Variants in NRG1 observed in about 807,000 individuals in gnomAD.
The protein encoded by NRG1 is neuregulin 1, also known as pro-neuregulin-1, membrane-bound isoform.
Under a neutral mutation model 63.8 loss-of-function variants are expected in NRG1, and 18 were observed. The ratio of observed to expected loss-of-function variants is 0.28; its 90% CI spans 0.19 to 0.42. The LOEUF is 0.42. Ranked by LOEUF, NRG1 falls within the 10% of genes least tolerant of loss-of-function variation. NRG1 has a pLI of 1.00. For missense variants in NRG1, 762 were observed against 814.7 expected (o/e 0.94, Z 0.79); for synonymous variants, 302 against 301.3 (o/e 1.00, Z -0.02).
At chr8:31,691,327 G>A (rs1035796352) in intron 1 of NRG1, among the ~76,000 whole-genome samples, 2 of 152,114 alleles carry the variant, frequency 1.3e-5, no homozygotes, top group Non-Finnish European at 2.9e-5. Flanking sequence ...TAGATCTGAG[G>A]CCGGGCGCGG....
intron 1 of NRG1, among the ~76,000 whole-genome samples, chr8:31,766,849 G>T (rs920042634): frequency 9.2e-5 from 14 of 152,058 alleles, no homozygotes; most frequent in African/African-American, 3.1e-4. Context: ...TTACGATCTT[G>T]CTCCTTGGAG....
At chr8:32,011,351 G>C (rs1814728022) in intron 1 of NRG1, among the ~76,000 whole-genome samples, 1 of 152,024 alleles carries the variant, frequency 6.6e-6, no homozygotes, top group Non-Finnish European at 1.5e-5. Context: ...GGTTCCATTT[G>C]CACGTTCATG....
chr8:31,772,738 G>T (rs1214113468), intron 1 of NRG1, among the ~76,000 whole-genome samples: 1 of 152,036 alleles, frequency 6.6e-6, no homozygotes, highest in Admixed American at 6.6e-5. Context: ...GATATAAAAG[G>T]CTCTGAAGCA....
chr8:32,710,498 C>G lies in NRG1; in HGVS notation c.503-17451C>G, dbSNP rs190966774. Among the ~76,000 whole-genome samples the G allele has an allele frequency of 1.1e-4, 16 of 152,202 alleles. No individual in the cohort carries two copies. The East Asian group carries it at 3.1e-3, about 29-fold the overall frequency. ...CATAACTCCCTGATGGTGTTTATAA[C>G]TCAGCATATTTATATTTGTATGTGC... On this transcript the variant is annotated intron_variant, in intron 5 of 11. Coordinates refer to ENST00000356819, the Ensembl canonical transcript of NRG1.
At chr8:32,411,659 A>C (rs1443196007) in intron 1 of NRG1, among the ~76,000 whole-genome samples, 2 of 152,158 alleles carry the variant, frequency 1.3e-5, no homozygotes, top group Non-Finnish European at 2.9e-5. Flanking sequence ...TCCTCAGCTT[A>C]TAATGGGGTT....
At chr8:31,928,426 G>A (rs1011086144) in intron 1 of NRG1, among the ~76,000 whole-genome samples, 1 of 147,502 alleles carries the variant, frequency 6.8e-6, no homozygotes, top group African/African-American at 2.5e-5. Flanking sequence ...AATCTCTATG[G>A]AAAACAATAT....
chr8:32,573,154 A>C (rs766467468), intron 1 of NRG1, among the ~76,000 whole-genome samples: 3 of 152,174 alleles, frequency 2.0e-5, no homozygotes, highest in Admixed American at 6.6e-5. Context: ...TAGACCTCAA[A>C]ATGCAGACCC....
At chr8:31,740,377 A>T (rs986189429) in intron 1 of NRG1, among the ~76,000 whole-genome samples, 1 of 151,972 alleles carries the variant, frequency 6.6e-6, no homozygotes, top group African/African-American at 2.4e-5. Context: ...TTCTAAAGGG[A>T]TTCTTCAAGT....
At chr8:31,723,576 C>T (rs1231052282) in intron 1 of NRG1, among the ~76,000 whole-genome samples, 1 of 152,100 alleles carries the variant, frequency 6.6e-6, no homozygotes, top group Non-Finnish European at 1.5e-5. Context: ...CTTCCCATCT[C>T]AGTCTTGAGT....
intron 1 of NRG1, among the ~76,000 whole-genome samples, chr8:32,321,356 T>A (rs1801358555): frequency 6.6e-6 from 1 of 152,136 alleles, no homozygotes; most frequent in Non-Finnish European, 1.5e-5. Flanking sequence ...TTCCACATTA[T>A]AAGGATGGAG....
chr8:31,941,481 C>T (rs1472434810), intron 1 of NRG1, among the ~76,000 whole-genome samples: 3 of 151,870 alleles, frequency 2.0e-5, no homozygotes, highest in African/African-American at 7.2e-5. Flanking sequence ...CCACTAAGAA[C>T]TGGAACAAGG....
At chr8:31,973,206 C>T (rs1346419954) in intron 1 of NRG1, among the ~76,000 whole-genome samples, 1 of 152,116 alleles carries the variant, frequency 6.6e-6, no homozygotes, top group Non-Finnish European at 1.5e-5. Context: ...CCATCATATA[C>T]TTATAAACAC....
intron 1 of NRG1, among the ~76,000 whole-genome samples, chr8:31,851,477 G>A (rs373577215): frequency 9.2e-5 from 14 of 152,010 alleles, no homozygotes; most frequent in Non-Finnish European, 8.8e-5. Context: ...TAGAAGTGTC[G>A]ATTTTAAAAT....
chr8:32,648,422 A>G (rs1437027314), intron 5 of NRG1: 18 of 1,597,892 alleles, frequency 1.1e-5, no homozygotes, highest in Non-Finnish European at 1.5e-5. Context: ...GATGATGATG[A>G]ATAAAAGGGG....
intron 5 of NRG1, among the ~76,000 whole-genome samples, chr8:32,698,303 G>A (rs768910660): frequency 1.3e-5 from 2 of 152,040 alleles, no homozygotes; most frequent in Non-Finnish European, 2.9e-5. Context: ...TCGCATTCAA[G>A]GAACAGCTGG....
intron 1 of NRG1, among the ~76,000 whole-genome samples, chr8:32,204,325 C>G (rs1255883391): frequency 6.6e-6 from 1 of 152,250 alleles, no homozygotes; most frequent in East Asian, 1.9e-4. Context: ...AACAAGATGG[C>G]TCTTATTGTA....
At chr8:32,672,433 G>A (rs1244090850) in intron 5 of NRG1, among the ~76,000 whole-genome samples, 3 of 152,004 alleles carry the variant, frequency 2.0e-5, no homozygotes, top group Non-Finnish European at 4.4e-5. Flanking sequence ...TTCATTATGA[G>A]AATCTCCCAC....
At chr8:31,714,451 A>AT (rs1812148631) in intron 1 of NRG1, among the ~76,000 whole-genome samples, 1 of 151,690 alleles carries the variant, frequency 6.6e-6, no homozygotes, top group South Asian at 2.1e-4. Flanking sequence ...TTTTTCCTCC[A>AT]TTTTTCCTTT....
intron 1 of NRG1, among the ~76,000 whole-genome samples, chr8:32,318,241 A>G (rs1390203425): frequency 2.0e-5 from 3 of 152,220 alleles, no homozygotes; most frequent in African/African-American, 7.2e-5. Flanking sequence ...GATTCTTGTA[A>G]TAAGAGAAGA....
Sources: gnomAD v4.1 joint callset for allele counts (sites outside exome capture counted in the v4.1 genomes callset) on GRCh38, gnomAD v4.1.1 for gene constraint, MANE v1.5 for transcripts, NCBI Gene and HGNC (gene_info 2026-07-23, HGNC 2026-07-21) for gene names.